LMNTD1: variants seen among roughly 807,000 people sequenced by gnomAD.
LMNTD1 encodes lamin tail domain-containing protein 1.
A neutral mutation model predicts 50.9 loss-of-function variants in LMNTD1; 35 were observed. That is an observed-to-expected ratio of 0.69 (90% CI 0.53 to 0.91). The LOEUF (loss-of-function observed/expected upper bound fraction) is 0.91. Ranked by LOEUF, LMNTD1 falls within the 40% of genes least tolerant of loss-of-function variation. The pLI is 0.00. For missense variants in LMNTD1, 470 were observed against 475.5 expected (o/e 0.99, Z 0.11); for synonymous variants, 153 against 161.9 (o/e 0.94, Z 0.42).
At chr12:25,629,571 A>C (rs2136591123) in intron 1 of LMNTD1, among the ~76,000 whole-genome samples, 1 of 152,326 alleles carries the variant, frequency 6.6e-6, no homozygotes, top group East Asian at 1.9e-4. Context: ...CCAAATCAAT[A>C]ATGCAGAGGT....
chr12:25,645,311 A>G (rs976411184), intron 1 of LMNTD1, among the ~76,000 whole-genome samples: 1 of 152,212 alleles, frequency 6.6e-6, no homozygotes, highest in Admixed American at 6.5e-5. Context: ...TTTCGAGAGT[A>G]GTGAAAATTG....
chr12:25,511,277 A>G (rs1940272196), intron 8 of LMNTD1, among the ~76,000 whole-genome samples: 1 of 152,156 alleles, frequency 6.6e-6, no homozygotes, highest in African/African-American at 2.4e-5. Context: ...GAAGATTTTT[A>G]AGTAAGAGAA....
rs1286162390 is a variant in LMNTD1, at chr12:25,607,665, GA to G, written c.58+40828del. Among the ~76,000 whole-genome samples the G allele has an allele frequency of 2.1e-4, 32 of 152,332 alleles. No homozygotes were observed. In the South Asian group the frequency reaches 6.6e-3, roughly 32 times the overall value. ...GGTTTTGAGTGAGTTTCTTAATCCT[GA>G]ATTCTAATTTGATTGCACTGTGGTC... On this transcript the variant is annotated intron_variant, in intron 1 of 7. Coordinates refer to the LMNTD1 transcript ENST00000445693.
At chr12:25,533,684 A>G (rs1447792808) in intron 4 of LMNTD1, among the ~76,000 whole-genome samples, 2 of 152,188 alleles carry the variant, frequency 1.3e-5, no homozygotes, top group African/African-American at 2.4e-5. Flanking sequence ...AGGGAACTTA[A>G]TTCAGTTCAT....
intron 1 of LMNTD1, among the ~76,000 whole-genome samples, chr12:25,572,063 T>C (rs1157986484): frequency 6.6e-6 from 1 of 152,180 alleles, no homozygotes; most frequent in Non-Finnish European, 1.5e-5. Flanking sequence ...GCCAGATACG[T>C]TTCAGTGCAA....
Position 25,518,959 on chromosome 12 carries a change from T to C in LMNTD1, c.1025A>G (p.Glu342Gly), listed in dbSNP as rs1941022092. ...QAQVLLKREK[E>G]IPPTVFPNRS... ...ATTAGGGAAAACGGTTGGTGGGATT[T>C]CCTTCTCTCTGTAAAAGAAAAAAGC... The change falls in exon 8 of 10, where the codon GAA (glutamate) becomes GGA (glycine). Residue 342 changes from glutamate to glycine, a missense_variant. Transcript: ENST00000458174. The C allele has an allele frequency of 1.2e-6, 2 of 1,614,050 alleles. No individual in the cohort carries two copies. The highest frequency in any genetic ancestry group is 8.5e-7 in the Non-Finnish European group (1 of 1,179,968).
chr12:25,519,496 C>G (rs1233773629), intron 7 of LMNTD1, among the ~76,000 whole-genome samples: 3 of 148,866 alleles, frequency 2.0e-5, no homozygotes, highest in Non-Finnish European at 4.4e-5. Flanking sequence ...GCTAAGGCAG[C>G]AGAATGGCGT....
intron 9 of LMNTD1, among the ~76,000 whole-genome samples, chr12:25,490,518 G>A (rs1425678040): frequency 6.6e-6 from 1 of 152,098 alleles, no homozygotes; most frequent in Admixed American, 6.6e-5. Flanking sequence ...TACATTTAAG[G>A]TATGGAAAAA....
At chr12:25,549,253 A>C in intron 3 of LMNTD1, 73 bp downstream of exon 3, 1 of 747,392 alleles carries the variant, frequency 1.3e-6, no homozygotes. Context: ...TCTGACTGAG[A>C]GTCATATATG....
chr12:25,532,345 A>G (rs1201824103), intron 4 of LMNTD1, among the ~76,000 whole-genome samples: 1 of 152,196 alleles, frequency 6.6e-6, no homozygotes, highest in Non-Finnish European at 1.5e-5. Context: ...TGTTTTGCAT[A>G]TAGACTTACT....
intron 7 of LMNTD1, among the ~76,000 whole-genome samples, chr12:25,519,586 TCAAAAAA>T (rs1181172642): frequency 4.0e-5 from 3 of 74,940 alleles, no homozygotes; most frequent in East Asian, 5.0e-4. Context: ...AGACTCTGTC[TCAAAAAA>T]AAAAAAAAAA....
At chr12:25,523,043 A>AT (rs1208421578) in intron 6 of LMNTD1, among the ~76,000 whole-genome samples, 2 of 151,494 alleles carry the variant, frequency 1.3e-5, no homozygotes, top group African/African-American at 4.9e-5. Flanking sequence ...TTTTATTTTT[A>AT]TTTTTTTTCG....
At chr12:25,556,435 A>T (rs901013478), upstream of LMNTD1, among the ~76,000 whole-genome samples, 20 of 152,034 alleles carry the variant, frequency 1.3e-4, no homozygotes, top group African/African-American at 4.3e-4. Flanking sequence ...TATTAGAGAG[A>T]CCTCCTCACT....
intron 1 of LMNTD1, among the ~76,000 whole-genome samples, chr12:25,625,511 T>A (rs1946570093): frequency 6.6e-6 from 1 of 152,082 alleles, no homozygotes; most frequent in Non-Finnish European, 1.5e-5. Flanking sequence ...CACTGAACAA[T>A]CATGGGTCCT....
In LMNTD1 at chr12:25,526,942, C is replaced by T; in HGVS notation, c.505G>A (p.Val169Ile). The change falls in exon 5 of 10, where the codon GTT (valine) becomes ATT (isoleucine). Residue 169 changes from valine (V) to isoleucine (I), a missense_variant. Val to Ile is a conservative substitution (Grantham distance 29). Coordinates refer to ENST00000458174, the MANE Select transcript of LMNTD1 (RefSeq NM_001145728.2). The part of the protein sequence containing the change: ...GQFTSSSLGD[V>I]EIAEVNVKGL... ...TTGACATTCACTTCAGCTATTTCAACATCTCCAAGAGAACTAGAAAATAAA... is the reference window on the plus strand; with the variant it reads ...TTGACATTCACTTCAGCTATTTCAATATCTCCAAGAGAACTAGAAAATAAA... 1 of 1,605,810 alleles carries T rather than the reference C, an allele frequency of 6.2e-7. No homozygotes were observed. Among genetic ancestry groups the T allele is most frequent in the Non-Finnish European group, 8.5e-7 (1 of 1,176,160 alleles).
intron 1 of LMNTD1, among the ~76,000 whole-genome samples, chr12:25,612,200 GCTT>G (rs1181936019): frequency 6.6e-6 from 1 of 151,760 alleles, no homozygotes; most frequent in African/African-American, 2.4e-5. Context: ...TAACTCAAAT[GCTT>G]CTTGTTAAAA....
At chr12:25,593,699 C>T (rs1945768458) in intron 1 of LMNTD1, among the ~76,000 whole-genome samples, 1 of 151,040 alleles carries the variant, frequency 6.6e-6, no homozygotes, top group Non-Finnish European at 1.5e-5. Flanking sequence ...GGGTCCAAAC[C>T]AAGAAGAAAT....
In LMNTD1 at chr12:25,640,602, T is replaced by G. The variant is rs184173698; in HGVS notation, c.58+7892A>C. Among the ~76,000 whole-genome samples the G allele has an allele frequency of 3.9e-3, 592 of 152,306 alleles. 1 individual carries two copies. Among genetic ancestry groups the G allele is most frequent in the African/African-American group, 0.013 (551 of 41,560 alleles). ...ACATTAAATAATGTTATTTAAAAAT[T>G]TATTAGTTATCCATGACATTACAAT... On this transcript the variant is annotated intron_variant, in intron 1 of 7. Transcript: ENST00000445693.
chr12:25,555,975 T>G (rs1025268618), upstream of LMNTD1, among the ~76,000 whole-genome samples: 272 of 136,518 alleles, frequency 2.0e-3, 4 homozygotes, highest in African/African-American at 6.9e-3. Context: ...CTTTTTTTTT[T>G]TTTTTTTTTT....
Sources: allele counts gnomAD v4.1 joint callset (sites outside exome capture counted in the v4.1 genomes callset), GRCh38; gene constraint gnomAD v4.1.1; transcripts MANE v1.5; gene names NCBI Gene and HGNC (gene_info 2026-07-23, HGNC 2026-07-21).